Variants in UST observed in about 807,000 individuals in gnomAD.
The protein encoded by UST is uronyl 2-sulfotransferase.
A neutral mutation model predicts 45.6 loss-of-function variants in UST; 21 were observed. That is an observed-to-expected ratio of 0.46 (90% CI 0.33 to 0.66). The LOEUF is 0.66. UST is among the 30% of genes least tolerant of loss of function. The probability of loss-of-function intolerance (pLI) is 0.02; values close to 1 mark genes in which losing one functional copy is unlikely to be tolerated. For missense variants in UST, 463 were observed against 512.4 expected, an observed-to-expected ratio of 0.90 and a Z score of 0.93; for synonymous variants, 215 against 200.6, an observed-to-expected ratio of 1.07 and a Z score of -0.61.
chr6:148,763,813 C>T (rs116157696), intron 1 of UST, among the ~76,000 whole-genome samples: 4 of 152,100 alleles, frequency 2.6e-5, no homozygotes, highest in Middle Eastern at 3.4e-3. Flanking sequence ...TGTAGGTAAG[C>T]GGCTTTATTT....
rs111541302 is a variant in UST, at chr6:149,011,349, A to G, written c.682-7790A>G. 2.2e-4 allele frequency among the ~76,000 whole-genome samples: 34 copies of G among 152,038 alleles called. 1 individual carries two copies. The highest frequency in any genetic ancestry group is 6.3e-4 in the African/African-American group (26 of 41,514). On this transcript the variant is annotated intron_variant, in intron 5 of 7. Transcript: ENST00000367463. ...GCAGTGGCGGGGAGAAGTGGGGAGG[A>G]TTAAGGGGTACAAAAACATAGTTGG...
intron 2 of UST, among the ~76,000 whole-genome samples, chr6:148,898,981 GA>G (rs1779190129): frequency 6.6e-6 from 1 of 151,178 alleles, no homozygotes; most frequent in Non-Finnish European, 1.5e-5. Context: ...AGCAAATTAA[GA>G]AAACCCATGC....
At chr6:148,964,826 G>A in intron 5 of UST, 1 of 489,166 alleles carries the variant, frequency 2.0e-6, no homozygotes, top group Non-Finnish European at 3.7e-6. Flanking sequence ...GGGACCCAGA[G>A]CGTTAACAGT....
intron 1 of UST, among the ~76,000 whole-genome samples, chr6:148,800,812 A>C (rs73778904): frequency 6.9e-6 from 1 of 144,538 alleles, no homozygotes; most frequent in East Asian, 2.0e-4. Flanking sequence ...TTTTGGAGAC[A>C]CGTGGCTCTG....
chr6:149,021,417 G>A lies in UST; in HGVS notation c.873G>A (p.Leu291=). ...TTCTTGAAGAGTTGGAAGATGTGCT[G>A]CTGTTACTGGAAAGATTTTTACCTC... ...VGILEELEDV[L]LLLERFLPHY... The change falls in exon 7 of 8, where the codon CTG becomes CTA. Residue 291 remains leucine, a synonymous_variant. Transcript: ENST00000367463. 1 of 1,614,200 alleles carries A rather than the reference G, an allele frequency of 6.2e-7. No homozygotes were observed. Among genetic ancestry groups the A allele is most frequent in the Non-Finnish European group, 8.5e-7 (1 of 1,180,048 alleles).
At chr6:148,900,764 T>C (rs922198336) in intron 2 of UST, among the ~76,000 whole-genome samples, 5 of 152,226 alleles carry the variant, frequency 3.3e-5, no homozygotes, top group Non-Finnish European at 7.3e-5. Flanking sequence ...TTTATTGTCT[T>C]ACAGTTCTGG....
At chr6:148,813,706 C>T (rs933564634) in intron 1 of UST, among the ~76,000 whole-genome samples, 1 of 152,114 alleles carries the variant, frequency 6.6e-6, no homozygotes, top group Non-Finnish European at 1.5e-5. Flanking sequence ...TGGCAAGAAA[C>T]TTGACCATTA....
At chr6:148,791,030 A>G (rs1776836714) in intron 1 of UST, among the ~76,000 whole-genome samples, 1 of 152,240 alleles carries the variant, frequency 6.6e-6, no homozygotes, top group South Asian at 2.1e-4. Flanking sequence ...TGACTACTGA[A>G]TCTGGACTGG....
At chr6:149,044,268 A>T (rs1187281476) in intron 7 of UST, among the ~76,000 whole-genome samples, 2 of 152,190 alleles carry the variant, frequency 1.3e-5, no homozygotes, top group Admixed American at 6.5e-5. Context: ...CAGTTCTTAA[A>T]TCTCAAGCAA....
chr6:148,966,634 A>T (rs1444367460), intron 5 of UST, among the ~76,000 whole-genome samples: 1 of 152,252 alleles, frequency 6.6e-6, no homozygotes, highest in Non-Finnish European at 1.5e-5. Context: ...CATTTCATAT[A>T]ATGCAGTTTT....
chr6:148,960,086 C>T (rs1234472441), intron 4 of UST, among the ~76,000 whole-genome samples: 3 of 151,966 alleles, frequency 2.0e-5, no homozygotes, highest in East Asian at 1.9e-4. Flanking sequence ...GTCAGGAGTT[C>T]GAGACCAGCC....
At chr6:148,947,049 A>T (rs929347201) in intron 3 of UST, among the ~76,000 whole-genome samples, 1 of 151,844 alleles carries the variant, frequency 6.6e-6, no homozygotes, top group Non-Finnish European at 1.5e-5. Context: ...TGTGTACAGG[A>T]ATCTGATTAA....
intron 1 of UST, among the ~76,000 whole-genome samples, chr6:148,826,299 G>T (rs1403211569): frequency 6.6e-6 from 1 of 152,186 alleles, no homozygotes; most frequent in Non-Finnish European, 1.5e-5. Context: ...TTTTAGTAGA[G>T]ATGGGGTTTC....
At chr6:148,865,448 G>A (rs1778406763) in intron 1 of UST, among the ~76,000 whole-genome samples, 2 of 152,146 alleles carry the variant, frequency 1.3e-5, no homozygotes, top group South Asian at 4.1e-4. Context: ...TACTGTAGAG[G>A]AAAGTCGGGT....
At chr6:148,878,744 G>A (rs1047395221) in intron 1 of UST, among the ~76,000 whole-genome samples, 3 of 151,668 alleles carry the variant, frequency 2.0e-5, no homozygotes, top group African/African-American at 7.3e-5. Flanking sequence ...GTATGAGTCG[G>A]GGGTTCAGGT....
chr6:148,918,229 T>C (rs982104638), intron 2 of UST, among the ~76,000 whole-genome samples: 1 of 152,256 alleles, frequency 6.6e-6, no homozygotes, highest in African/African-American at 2.4e-5. Context: ...ATTCAGAATC[T>C]TCACTGAATG....
intron 2 of UST, among the ~76,000 whole-genome samples, chr6:148,940,122 G>A (rs1780095372): frequency 6.6e-6 from 1 of 152,022 alleles, no homozygotes; most frequent in Non-Finnish European, 1.5e-5. Context: ...TTAGTCACAG[G>A]GAAATGCAAA....
At position 148,868,920 on chromosome 6, in the gene UST, G is replaced by T. The variant is rs115752720; in HGVS notation, c.248-18066G>T. Among the ~76,000 whole-genome samples the T allele has an allele frequency of 6.3e-3, 953 of 152,248 alleles. 17 individuals are homozygous for T. Among genetic ancestry groups the T allele is most frequent in the African/African-American group, 0.022 (920 of 41,546 alleles). ...ATCGTAAGAGTTACACTTTATGTTT[G>T]TATGCCAGGTAGTTTATAAATGATG... On this transcript the variant is annotated intron_variant, in intron 1 of 7. Transcript: ENST00000367463.
intron 4 of UST, among the ~76,000 whole-genome samples, chr6:148,957,983 AAGTC>A (rs975990987): frequency 2.0e-5 from 3 of 152,160 alleles, no homozygotes; most frequent in African/African-American, 7.2e-5. Flanking sequence ...GTAAGGATGA[AAGTC>A]AGGCCTCCCT....
Sources: allele counts gnomAD v4.1 joint callset (sites outside exome capture counted in the v4.1 genomes callset), GRCh38; gene constraint gnomAD v4.1.1; transcripts MANE v1.5; gene names NCBI Gene and HGNC (gene_info 2026-07-23, HGNC 2026-07-21).